The following CTNNA2 variants were observed in gnomAD, a reference collection of about 807,000 sequenced individuals.
CTNNA2 encodes catenin alpha 2.
A neutral mutation model predicts 101.0 loss-of-function variants in CTNNA2; 42 were observed. The observed-to-expected ratio is 0.42, with a 90% CI of 0.32 to 0.54. CTNNA2 has a LOEUF of 0.54. Among genes scored for constraint, CTNNA2 ranks in the 20% least tolerant of loss-of-function variants. The pLI is 0.14. For synonymous variants in CTNNA2, 450 were observed against 456.4 expected, an observed-to-expected ratio of 0.99 and a Z score of 0.18; for missense variants, 871 against 1,223.1, an observed-to-expected ratio of 0.71 and a Z score of 4.29.
At chr2:79,775,191 C>T (rs1461782178) in intron 3 of CTNNA2, among the ~76,000 whole-genome samples, 2 of 152,062 alleles carry the variant, frequency 1.3e-5, no homozygotes, top group African/African-American at 4.8e-5. Flanking sequence ...CAACAAAAGC[C>T]CTGGATCTTT....
At chr2:79,541,443 T>C (rs1275557007) in intron 1 of CTNNA2, among the ~76,000 whole-genome samples, 5 of 148,886 alleles carry the variant, frequency 3.4e-5, no homozygotes, top group South Asian at 2.1e-4. Context: ...TATATATATA[T>C]ATATATATAT....
intron 3 of CTNNA2, among the ~76,000 whole-genome samples, chr2:79,771,649 A>C (rs572664739): frequency 6.6e-6 from 1 of 152,154 alleles, no homozygotes; most frequent in African/African-American, 2.4e-5. Context: ...TCCTATGAGA[A>C]TCAAATGCCA....
chr2:80,224,363 C>T (rs1420438810), intron 7 of CTNNA2, among the ~76,000 whole-genome samples: 2 of 152,198 alleles, frequency 1.3e-5, no homozygotes, highest in Non-Finnish European at 2.9e-5. Flanking sequence ...TTGGCATACT[C>T]ATGGCTTGTA....
chr2:79,688,032 A>G (rs939549070), intron 2 of CTNNA2, among the ~76,000 whole-genome samples: 5 of 152,140 alleles, frequency 3.3e-5, no homozygotes, highest in African/African-American at 1.2e-4. Context: ...TCCTCTGAAA[A>G]TTTGAGTTGG....
chr2:79,841,689 G>T (rs555589035), intron 3 of CTNNA2, among the ~76,000 whole-genome samples: 1 of 152,072 alleles, frequency 6.6e-6, no homozygotes, highest in Non-Finnish European at 1.5e-5. Flanking sequence ...CTTTATATGC[G>T]CAATCAACGA....
chr2:80,262,645 G>A (rs1297944423), intron 7 of CTNNA2, among the ~76,000 whole-genome samples: 3 of 152,024 alleles, frequency 2.0e-5, no homozygotes, highest in Admixed American at 6.6e-5. Flanking sequence ...TATGCATTCC[G>A]GGGTCCTATG....
At chr2:79,444,602 T>C (rs889879121) in intron 4 of CTNNA2, among the ~76,000 whole-genome samples, 2 of 152,110 alleles carry the variant, frequency 1.3e-5, no homozygotes, top group African/African-American at 2.4e-5. Context: ...CTATCCCCTA[T>C]CTTATGAACC....
chr2:80,452,978 G>A lies in CTNNA2; in HGVS notation c.1290+33377G>A, dbSNP rs72821989. ...AGAGAGTAGGATGAAAGGCTGGGGT[G>A]CCTTCTAGGCCAGGTATAGCTGGGG... On this transcript the variant is annotated intron_variant, in intron 9 of 18. Transcript: ENST00000402739. Among the ~76,000 whole-genome samples the A allele has an allele frequency of 7.9e-3, 1,197 of 152,170 alleles. 20 individuals carry two copies. The highest frequency in any genetic ancestry group is 0.076 in the East Asian group (391 of 5,140).
At chr2:79,710,599 C>T (rs1431013581) in intron 2 of CTNNA2, among the ~76,000 whole-genome samples, 1 of 152,086 alleles carries the variant, frequency 6.6e-6, no homozygotes, top group African/African-American at 2.4e-5. Context: ...ATTTTTATTA[C>T]CTCAATTCTT....
chr2:80,224,475 C>T (rs570343019), intron 7 of CTNNA2, among the ~76,000 whole-genome samples: 6 of 152,066 alleles, frequency 3.9e-5, no homozygotes, highest in East Asian at 1.9e-4. Context: ...GATGGAGTGT[C>T]GCTCTGTCGC....
At chr2:79,486,645 G>A (rs138221923) in intron 4 of CTNNA2, among the ~76,000 whole-genome samples, 3,289 of 152,130 alleles carry the variant, frequency 0.022, 101 homozygotes, top group East Asian at 0.13. Flanking sequence ...CTGAGGAATC[G>A]CCACACTGAC....
intron 7 of CTNNA2, among the ~76,000 whole-genome samples, chr2:80,355,435 G>A (rs1172847562): frequency 6.6e-6 from 1 of 152,166 alleles, no homozygotes; most frequent in African/African-American, 2.4e-5. Context: ...GTGATGATGA[G>A]GATGAGAGCT....
At position 80,648,141 on chromosome 2, in the gene CTNNA2, G is replaced by T; in HGVS notation, c.*269G>T. 1 of 270,982 alleles carries T rather than the reference G, an allele frequency of 3.7e-6. No individual in the cohort carries two copies. The highest frequency in any genetic ancestry group is 7.0e-6 in the Non-Finnish European group (1 of 143,526). The allele number at this position is 270,982 out of a possible 1,614,324, so 16.8% of individuals were successfully genotyped here. A position where few individuals can be genotyped will look rare whatever the true frequency, so the allele number is the denominator to read the frequency against. On this transcript the variant is annotated 3_prime_UTR_variant, in exon 19 of 19. Transcript: ENST00000402739. The stretch of plus-strand genomic sequence containing the variant: ...AAAATTGGGCACAGAGTTCGCATTG[G>T]CGCAATATTTATGGGAGTGGGAGGG...
intron 7 of CTNNA2, among the ~76,000 whole-genome samples, chr2:80,354,549 G>A (rs1418859681): frequency 6.6e-6 from 1 of 152,152 alleles, no homozygotes; most frequent in Non-Finnish European, 1.5e-5. Context: ...AGAATTACCA[G>A]TGTTGTGAGG....
At chr2:79,345,996 G>A (rs553040516) in intron 3 of CTNNA2, among the ~76,000 whole-genome samples, 18 of 151,808 alleles carry the variant, frequency 1.2e-4, no homozygotes, top group African/African-American at 2.2e-4. Context: ...CACCGTGTCC[G>A]GCCAAATAGT....
At chr2:79,983,130 A>G (rs1003240893) in intron 7 of CTNNA2, among the ~76,000 whole-genome samples, 33 of 149,204 alleles carry the variant, frequency 2.2e-4, no homozygotes, top group African/African-American at 7.3e-4. Flanking sequence ...TTATATATAT[A>G]TGTGTATATA....
chr2:79,701,245 T>C (rs1013250742), intron 2 of CTNNA2, among the ~76,000 whole-genome samples: 2 of 152,236 alleles, frequency 1.3e-5, no homozygotes, highest in South Asian at 2.1e-4. Flanking sequence ...ACACTTATAC[T>C]ACCTGCCCAG....
intron 7 of CTNNA2, among the ~76,000 whole-genome samples, chr2:80,237,555 T>G (rs897658753): frequency 1.3e-5 from 2 of 152,154 alleles, no homozygotes; most frequent in African/African-American, 4.8e-5. Context: ...GTTCCTTTTT[T>G]GTTACCATTG....
At chr2:79,751,744 C>T (rs1298589136) in intron 3 of CTNNA2, among the ~76,000 whole-genome samples, 1 of 151,914 alleles carries the variant, frequency 6.6e-6, no homozygotes, top group Non-Finnish European at 1.5e-5. Context: ...CTTCTACTCA[C>T]TTAAATGATA....
Sources: allele counts gnomAD v4.1 joint callset (sites outside exome capture counted in the v4.1 genomes callset), GRCh38; gene constraint gnomAD v4.1.1; transcripts MANE v1.5; gene names NCBI Gene and HGNC (gene_info 2026-07-23, HGNC 2026-07-21).